Variants in TULP4 observed in about 807,000 individuals in gnomAD.
The protein encoded by TULP4 is TUB like protein 4.
TULP4 carries 16 observed loss-of-function variants against 129.0 expected under a neutral mutation model. The observed-to-expected ratio is 0.12, with a 90% confidence interval of 0.08 to 0.19. The LOEUF (loss-of-function observed/expected upper bound fraction) is 0.19. TULP4 is among the 10% of genes least tolerant of loss of function. The pLI, the probability that TULP4 is intolerant of heterozygous loss-of-function variation, is 1.00. For synonymous variants in TULP4, 998 were observed against 854.0 expected (o/e 1.17, Z -2.94); for missense variants, 1,842 against 2,059.1 (o/e 0.89, Z 2.04).
Position 158,506,777 on chromosome 6 carries a change from C to T in TULP4, c.*83C>T, listed in dbSNP as rs1005171117. 1.5e-5 allele frequency: 15 copies of T among 972,822 alleles called. No homozygotes were observed. Among genetic ancestry groups the T allele is most frequent in the Admixed American group, 7.6e-5 (4 of 52,684 alleles). The allele number at this position is 972,822 out of a possible 1,614,324, so 60.3% of individuals were successfully genotyped here. A position where few individuals can be genotyped will look rare whatever the true frequency, so the allele number is the denominator to read the frequency against. On this transcript the variant is annotated 3_prime_UTR_variant, in exon 14 of 14. Coordinates refer to ENST00000367097, the MANE Select transcript of TULP4 (RefSeq NM_020245.5). ...ATGCCAGAGGAGCCCTCTAGGGGTC[C>T]GATGCCTGGGAGGACCAGAAGCCAA...
chr6:158,338,820 C>T (rs562836284), intron 1 of TULP4, among the ~76,000 whole-genome samples: 80 of 152,288 alleles, frequency 5.3e-4, no homozygotes, highest in African/African-American at 1.8e-3. Flanking sequence ...TTTCCTGAAC[C>T]TTGCTTTTGA....
chr6:158,250,416 A>G (rs1017192736), intron 1 of TULP4, among the ~76,000 whole-genome samples: 5 of 152,180 alleles, frequency 3.3e-5, no homozygotes, highest in Non-Finnish European at 7.3e-5. Context: ...TTGGCCTCCC[A>G]AAGTGCTGGG....
chr6:158,504,502 A>C (rs897647747), intron 13 of TULP4, among the ~76,000 whole-genome samples: 1 of 148,868 alleles, frequency 6.7e-6, no homozygotes, highest in South Asian at 2.1e-4. Flanking sequence ...GCCCGCCACC[A>C]TGCCCGGCTA....
At chr6:158,365,899 C>CTTTTTTTTTTTTTTT (rs5881257) in intron 1 of TULP4, among the ~76,000 whole-genome samples, 2 of 57,540 alleles carry the variant, frequency 3.5e-5, no homozygotes, top group Non-Finnish European at 5.8e-5. Flanking sequence ...CTTTTTCTTT[C>CTTTTTTTTTTTTTTT]TTTTTTTTTT....
At chr6:158,451,536 T>C (rs1252206663) in intron 4 of TULP4, among the ~76,000 whole-genome samples, 1 of 152,234 alleles carries the variant, frequency 6.6e-6, no homozygotes, top group African/African-American at 2.4e-5. Context: ...CCTTCCTTAA[T>C]GTCTGCATGA....
chr6:158,484,013 G>C (rs1222902435), intron 8 of TULP4, among the ~76,000 whole-genome samples: 2 of 150,914 alleles, frequency 1.3e-5, no homozygotes, highest in Non-Finnish European at 3.0e-5. Flanking sequence ...TGAACTCCTA[G>C]GCTCAAGCAA....
intron 1 of TULP4, among the ~76,000 whole-genome samples, chr6:158,345,596 G>T (rs1215846476): frequency 6.6e-6 from 1 of 152,224 alleles, no homozygotes; most frequent in Non-Finnish European, 1.5e-5. Flanking sequence ...GGGAGTGGGT[G>T]TAAGAACAGG....
At chr6:158,446,874 C>G (rs375559574) in intron 3 of TULP4, among the ~76,000 whole-genome samples, 1 of 152,090 alleles carries the variant, frequency 6.6e-6, no homozygotes, top group East Asian at 1.9e-4. Context: ...CTTATATGGG[C>G]GCTAATCCTA....
chr6:158,362,897 TAA>T (rs938796849), intron 1 of TULP4, among the ~76,000 whole-genome samples: 2 of 151,420 alleles, frequency 1.3e-5, no homozygotes, highest in African/African-American at 2.4e-5. Flanking sequence ...CCATCTCTAC[TAA>T]AAAAATACAA....
intron 11 of TULP4, among the ~76,000 whole-genome samples, chr6:158,495,292 A>G (rs528044181): frequency 1.1e-4 from 17 of 152,198 alleles, no homozygotes; most frequent in Admixed American, 9.8e-4. Context: ...AGCTCAAGCA[A>G]TTTGCCCACC....
At chr6:158,470,034 C>G (rs1468618935) in intron 6 of TULP4, among the ~76,000 whole-genome samples, 2 of 152,064 alleles carry the variant, frequency 1.3e-5, no homozygotes, top group African/African-American at 4.8e-5. Context: ...TGTTATAGCT[C>G]TATTAGAAGT....
At chr6:158,375,457 A>AG (rs1777161803) in intron 1 of TULP4, among the ~76,000 whole-genome samples, 1 of 152,248 alleles carries the variant, frequency 6.6e-6, no homozygotes, top group African/African-American at 2.4e-5. Flanking sequence ...CAGGACACAC[A>AG]GTTCCAGTGT....
At chr6:158,272,792 T>G (rs1778573610) in intron 1 of TULP4, among the ~76,000 whole-genome samples, 1 of 152,232 alleles carries the variant, frequency 6.6e-6, no homozygotes, top group South Asian at 2.1e-4. Context: ...CAAAAACAAA[T>G]GTGACAGTTA....
chr6:158,461,442 T>C, intron 5 of TULP4, 121 bp from the exon 6 acceptor site: 1 of 893,620 alleles, frequency 1.1e-6, no homozygotes, highest in African/African-American at 1.7e-5. Flanking sequence ...AAACCATGAA[T>C]ATATTTTTGT....
At chr6:158,243,827 TTTAG>T (rs1395372117) in intron 1 of TULP4, among the ~76,000 whole-genome samples, 2 of 149,600 alleles carry the variant, frequency 1.3e-5, no homozygotes, top group African/African-American at 4.9e-5. Context: ...CATCCTGTCA[TTTAG>T]TTATTAGCTG....
At chr6:158,300,758 C>T (rs1415664951) in intron 1 of TULP4, among the ~76,000 whole-genome samples, 1 of 152,228 alleles carries the variant, frequency 6.6e-6, no homozygotes, top group African/African-American at 2.4e-5. Flanking sequence ...ACATGAGTCA[C>T]ATCCATTTGC....
intron 1 of TULP4, among the ~76,000 whole-genome samples, chr6:158,329,103 C>T (rs1779817039): frequency 1.3e-5 from 2 of 152,290 alleles, no homozygotes; most frequent in South Asian, 4.1e-4. Flanking sequence ...ACAAACACAC[C>T]TGTGCATTTT....
At chr6:158,267,399 A>G (rs556296740) in intron 1 of TULP4, among the ~76,000 whole-genome samples, 1 of 152,232 alleles carries the variant, frequency 6.6e-6, no homozygotes, top group South Asian at 2.1e-4. Flanking sequence ...GATGAAAGCA[A>G]CTAAGTGATG....
intron 1 of TULP4, among the ~76,000 whole-genome samples, chr6:158,408,608 A>AGAG (rs1202835712): frequency 6.6e-6 from 1 of 152,072 alleles, no homozygotes; most frequent in Admixed American, 6.6e-5. Flanking sequence ...AGGGGCAGCA[A>AGAG]GAGGGTCCTG....
Sources: allele counts gnomAD v4.1 joint callset (sites outside exome capture counted in the v4.1 genomes callset), GRCh38; gene constraint gnomAD v4.1.1; transcripts MANE v1.5; gene names NCBI Gene and HGNC (gene_info 2026-07-23, HGNC 2026-07-21).